The following CD247 variants were observed in gnomAD, a reference collection of about 807,000 sequenced individuals.
The protein encoded by CD247 is T-cell surface glycoprotein CD3 zeta chain.
A neutral mutation model predicts 30.0 loss-of-function variants in CD247; 13 were observed. The ratio of observed to expected loss-of-function variants is 0.43; its 90% CI spans 0.28 to 0.69. The LOEUF (loss-of-function observed/expected upper bound fraction) is 0.69, where lower values mean the gene tolerates loss of function less well. Among genes scored for constraint, CD247 ranks in the 30% least tolerant of loss-of-function variants. CD247 has a pLI of 0.16. For missense variants in CD247, 193 were observed against 212.6 expected (o/e 0.91, Z 0.57); for synonymous variants, 72 against 80.0 (o/e 0.90, Z 0.53).
Position 167,492,252 on chromosome 1 carries a change from A to G in CD247, c.58+26156T>C, listed in dbSNP as rs147875842. Among the ~76,000 whole-genome samples, 38 of 152,356 alleles carry G rather than the reference A, an allele frequency of 2.5e-4. No individual in the cohort carries two copies. The East Asian group carries it at 6.8e-3, about 27-fold the overall frequency. On this transcript the variant is annotated intron_variant, in intron 1 of 7. Coordinates refer to ENST00000362089, the MANE Select transcript of CD247 (RefSeq NM_198053.3). Reference sequence around the variant, plus strand: ...GTCTTGTCAGTATTGGAGCGTGCTCACAGTTGACATGTGTGAAGGACCAGG... The same window carrying G: ...GTCTTGTCAGTATTGGAGCGTGCTCGCAGTTGACATGTGTGAAGGACCAGG...
chr1:167,499,752 G>A (rs2102095371), intron 1 of CD247, among the ~76,000 whole-genome samples: 1 of 152,248 alleles, frequency 6.6e-6, no homozygotes, highest in South Asian at 2.1e-4. Flanking sequence ...CTGTGCAGAG[G>A]GAGAGCTTAG....
chr1:167,442,350 C>A (rs1323264853), intron 1 of CD247, among the ~76,000 whole-genome samples: 2 of 152,124 alleles, frequency 1.3e-5, no homozygotes, highest in Non-Finnish European at 2.9e-5. Context: ...GGCCTTTGGA[C>A]CCAGATGAGG....
rs1277990540 is a variant in CD247, at chr1:167,494,696, G to A, written c.58+23712C>T. 1.3e-5 allele frequency among the ~76,000 whole-genome samples: 2 copies of A among 152,196 alleles called. No individual in the cohort carries two copies. Among genetic ancestry groups the A allele is most frequent in the African/African-American group, 4.8e-5 (2 of 41,440 alleles). On this transcript the variant is annotated intron_variant, in intron 1 of 7. Coordinates refer to ENST00000362089, the MANE Select transcript of CD247 (RefSeq NM_198053.3). This position sits in a 1 kb window ranked among gnomAD's most constrained non-coding sequence, Gnocchi z 7.3. The stretch of plus-strand genomic sequence containing the variant: ...TTAAAAGGATCAAAAAAGATCATGA[G>A]TAGTGCATTCCTCGGCATTTTGTAT...
chr1:167,442,066 A>ACGC (rs1185219435), intron 1 of CD247, among the ~76,000 whole-genome samples: 2 of 152,192 alleles, frequency 1.3e-5, no homozygotes, highest in Non-Finnish European at 2.9e-5. Flanking sequence ...AGCCGAGATC[A>ACGC]CGCCACTGCA....
At chr1:167,433,187 G>A in intron 6 of CD247, 128 bp from the exon 7 acceptor site, 1 of 886,108 alleles carries the variant, frequency 1.1e-6, no homozygotes, top group Non-Finnish European at 1.9e-6. Context: ...CAGCACCCCT[G>A]CCCCTGGGAG....
In CD247 at chr1:167,510,472, G is replaced by A. The variant is rs111449402; in HGVS notation, c.58+7936C>T. On this transcript the variant is annotated intron_variant, in intron 1 of 7. Coordinates refer to ENST00000362089, the MANE Select transcript of CD247 (RefSeq NM_198053.3). ...TGGGGCTTGGGCTCAGGCTTTTCAC[G>A]TGATGGGTCACCTGGCTCAGCTGCC... Among the ~76,000 whole-genome samples, 11 of 152,306 alleles carry A rather than the reference G, an allele frequency of 7.2e-5. No homozygotes were observed. In the South Asian group the frequency reaches 1.7e-3, roughly 23 times the overall value.
chr1:167,517,896 C>T (rs1267324590), intron 1 of CD247, among the ~76,000 whole-genome samples: 1 of 152,186 alleles, frequency 6.6e-6, no homozygotes, highest in Non-Finnish European at 1.5e-5. Flanking sequence ...TACTCCCGGG[C>T]CCATTGGAGT....
At chr1:167,469,545 ACT>A (rs1295161154) in intron 1 of CD247, among the ~76,000 whole-genome samples, 2 of 152,150 alleles carry the variant, frequency 1.3e-5, no homozygotes, top group Non-Finnish European at 2.9e-5. Flanking sequence ...ACGGGCATTG[ACT>A]CTGCATTTTT....
intron 1 of CD247, among the ~76,000 whole-genome samples, chr1:167,453,245 A>T (rs1652457671): frequency 6.6e-6 from 1 of 152,150 alleles, no homozygotes; most frequent in Non-Finnish European, 1.5e-5. Flanking sequence ...TGAGTGAGGT[A>T]AGCCGGGTAG....
intron 1 of CD247, among the ~76,000 whole-genome samples, chr1:167,477,193 T>C (rs765139795): frequency 6.6e-6 from 1 of 152,138 alleles, no homozygotes; most frequent in Non-Finnish European, 1.5e-5. Flanking sequence ...AATATGAAAT[T>C]ATCAGGTTAC....
chr1:167,484,205 A>G (rs1654101641), intron 1 of CD247, among the ~76,000 whole-genome samples: 1 of 152,110 alleles, frequency 6.6e-6, no homozygotes, highest in Non-Finnish European at 1.5e-5. Context: ...CTCTGGGGGT[A>G]ATTTGGCCTT....
Position 167,433,885 on chromosome 1 carries a change from C to T in CD247, c.393+135G>A, listed in dbSNP as rs138034039. The T allele has an allele frequency of 7.9e-4, 649 of 825,728 alleles. 2 individuals are homozygous for T. The African/African-American group carries it at 8.9e-3, about 11-fold the overall frequency. The allele number at this position is 825,728 out of a possible 1,614,324, so 51.2% of individuals were successfully genotyped here. ...TGCCCGGCTGGGTGACAGCCAGGTT[C>T]GCCTTCACCTCTGATGGCCACCACA... On this transcript the variant is annotated intron_variant, in intron 6 of 7. Coordinates refer to ENST00000362089, the MANE Select transcript of CD247 (RefSeq NM_198053.3).
chr1:167,478,767 T>A (rs1653855224), intron 1 of CD247, among the ~76,000 whole-genome samples: 1 of 152,192 alleles, frequency 6.6e-6, no homozygotes. Flanking sequence ...AAGTACTCAA[T>A]AAATGTGAGG....
At chr1:167,475,143 G>A (rs1355839397) in intron 1 of CD247, among the ~76,000 whole-genome samples, 1 of 152,034 alleles carries the variant, frequency 6.6e-6, no homozygotes, top group Non-Finnish European at 1.5e-5. Context: ...AGGATGCTAA[G>A]GAACCAAATT....
intron 1 of CD247, among the ~76,000 whole-genome samples, chr1:167,491,001 T>C (rs757292132): frequency 1.3e-5 from 2 of 152,036 alleles, no homozygotes; most frequent in African/African-American, 4.8e-5. Context: ...AAAGAACTCA[T>C]ATAAGCAGGC....
intron 1 of CD247, among the ~76,000 whole-genome samples, chr1:167,470,189 C>T (rs1312813346): frequency 1.1e-4 from 17 of 152,154 alleles, no homozygotes; most frequent in Non-Finnish European, 2.1e-4. Flanking sequence ...GGTGGGATTA[C>T]AGGCATGAGC....
chr1:167,433,438 G>A lies in CD247; in HGVS notation c.394-379C>T, dbSNP rs36059712. ...ACAACCAGCTGTTTTGAGCAGTTAC[G>A]AGCTCTGGCATAGTCAGTTCAATCA... On this transcript the variant is annotated intron_variant, in intron 6 of 7. Coordinates refer to ENST00000362089, the MANE Select transcript of CD247 (RefSeq NM_198053.3). 1.5e-4 allele frequency among the ~76,000 whole-genome samples: 23 copies of A among 152,306 alleles called. No individual in the cohort carries two copies. The East Asian group carries it at 3.9e-3, about 26-fold the overall frequency.
At chr1:167,497,298 T>C (rs1654731650) in intron 1 of CD247, among the ~76,000 whole-genome samples, 1 of 152,232 alleles carries the variant, frequency 6.6e-6, no homozygotes, top group Admixed American at 6.5e-5. Context: ...ATGATTTTTA[T>C]TTTCTCTTTG....
chr1:167,481,879 G>A (rs1247149928), intron 1 of CD247, among the ~76,000 whole-genome samples: 2 of 152,188 alleles, frequency 1.3e-5, no homozygotes, highest in East Asian at 1.9e-4. Context: ...GGCAGGCAGC[G>A]ATGGAACCCA....
Sources: gnomAD v4.1 joint callset for allele counts (sites outside exome capture counted in the v4.1 genomes callset) on GRCh38, gnomAD v4.1.1 for gene constraint, Gnocchi (gnomAD v3.1) non-coding constraint, MANE v1.5 for transcripts, NCBI Gene and HGNC (gene_info 2026-07-23, HGNC 2026-07-21) for gene names.